The following ERBB4 variants were observed in gnomAD, a reference collection of about 807,000 sequenced individuals.
The protein encoded by ERBB4 is receptor tyrosine-protein kinase erbB-4.
ERBB4 carries 42 observed loss-of-function variants against 158.0 expected under a neutral mutation model. The ratio of observed to expected loss-of-function variants is 0.27; its 90% CI spans 0.21 to 0.34. The LOEUF (loss-of-function observed/expected upper bound fraction) is 0.34. ERBB4 is among the 10% of genes least tolerant of loss of function. The pLI is 1.00. For missense variants in ERBB4, 1,333 were observed against 1,624.1 expected (o/e 0.82, Z 3.08); for synonymous variants, 583 against 558.7 (o/e 1.04, Z -0.61).
At chr2:211,761,684 G>T (rs905275482) in intron 4 of ERBB4, among the ~76,000 whole-genome samples, 3 of 152,120 alleles carry the variant, frequency 2.0e-5, no homozygotes, top group Non-Finnish European at 4.4e-5. Flanking sequence ...ACACATTTTA[G>T]TAATTGGCAT....
rs551541176 is a variant in ERBB4 at position 212,340,342 on chromosome 2, G to T, written c.82+198107C>A. Among the ~76,000 whole-genome samples, 56 of 152,090 alleles carry T rather than the reference G, an allele frequency of 3.7e-4. 1 individual carries two copies. The highest frequency in any genetic ancestry group is 7.9e-4 in the Admixed American group (12 of 15,248). Reference sequence around the variant, plus strand: ...TTCCACAGACAGAATAGGGAAGATGGTTTCAGGATGAGTTAAGCGCATTAC... The same window carrying T: ...TTCCACAGACAGAATAGGGAAGATGTTTTCAGGATGAGTTAAGCGCATTAC... On this transcript the variant is annotated intron_variant, in intron 1 of 27. Transcript: ENST00000342788.
chr2:211,820,554 A>G (rs2076971674), intron 3 of ERBB4, among the ~76,000 whole-genome samples: 1 of 151,924 alleles, frequency 6.6e-6, no homozygotes. Flanking sequence ...CAAAAAATTG[A>G]AAAGGAGGAA....
chr2:212,135,739 C>T (rs147978249), intron 1 of ERBB4, among the ~76,000 whole-genome samples: 1 of 152,330 alleles, frequency 6.6e-6, no homozygotes, highest in African/African-American at 2.4e-5. Context: ...CATACAAAGT[C>T]CTTCTTATTT....
intron 2 of ERBB4, among the ~76,000 whole-genome samples, chr2:212,118,616 G>A (rs1370890727): frequency 6.6e-6 from 1 of 151,930 alleles, no homozygotes; most frequent in East Asian, 1.9e-4. Flanking sequence ...ATTATAAAAT[G>A]TTAATTATTA....
chr2:212,078,165 G>C (rs1195184111), intron 2 of ERBB4, among the ~76,000 whole-genome samples: 1 of 151,996 alleles, frequency 6.6e-6, no homozygotes, highest in Non-Finnish European at 1.5e-5. Flanking sequence ...CACAGATATA[G>C]ACTTAGGTCA....
intron 1 of ERBB4, among the ~76,000 whole-genome samples, chr2:212,289,000 C>G (rs2086107293): frequency 6.6e-6 from 1 of 152,042 alleles, no homozygotes; most frequent in Admixed American, 6.5e-5. Flanking sequence ...ACCAGACTGA[C>G]AGAAAGCCGT....
At chr2:212,163,356 A>G (rs1349298968) in intron 1 of ERBB4, among the ~76,000 whole-genome samples, 1 of 151,236 alleles carries the variant, frequency 6.6e-6, no homozygotes, top group African/African-American at 2.4e-5. Flanking sequence ...CTATTCATTA[A>G]TAAGGGTGAA....
At chr2:211,400,162 A>T (rs1464630715) in intron 25 of ERBB4, among the ~76,000 whole-genome samples, 1 of 152,098 alleles carries the variant, frequency 6.6e-6, no homozygotes, top group Non-Finnish European at 1.5e-5. Flanking sequence ...TGCCTTAAAA[A>T]AGTGTTCTCT....
chr2:212,138,832 C>T (rs115753402), intron 1 of ERBB4, among the ~76,000 whole-genome samples: 1,891 of 152,052 alleles, frequency 0.012, 35 homozygotes, highest in African/African-American at 0.042. Context: ...CAATTAAGTC[C>T]CCATTCTAAA....
chr2:211,466,352 A>T lies in ERBB4; in HGVS notation c.2488-35252T>A, dbSNP rs1037721414. On this transcript the variant is annotated intron_variant, in intron 20 of 27. Transcript: ENST00000342788. ...GTGTAGTTTTTTTTTTTTTTTTTAA[A>T]AAAAAAAAAAGGAACACATTCAATG... 5.3e-3 allele frequency among the ~76,000 whole-genome samples: 524 copies of T among 99,210 alleles called. 2 individuals are homozygous for T. Among genetic ancestry groups the T allele is most frequent in the African/African-American group, 0.012 (305 of 25,252 alleles). 65.1% of individuals were successfully genotyped at this position (99,210 alleles called of 152,430 possible).
At chr2:211,822,547 C>T (rs564721329) in intron 3 of ERBB4, among the ~76,000 whole-genome samples, 4 of 151,986 alleles carry the variant, frequency 2.6e-5, no homozygotes, top group Non-Finnish European at 5.9e-5. Context: ...AATAATCCAT[C>T]TTCAGGGAAG....
At chr2:212,308,692 G>C (rs2086906681) in intron 1 of ERBB4, among the ~76,000 whole-genome samples, 1 of 150,946 alleles carries the variant, frequency 6.6e-6, no homozygotes. Flanking sequence ...TAAATCCTAT[G>C]AGTTCTCTAT....
chr2:212,104,790 T>C (rs1325192877), intron 2 of ERBB4, among the ~76,000 whole-genome samples: 1 of 152,160 alleles, frequency 6.6e-6, no homozygotes, highest in African/African-American at 2.4e-5. Context: ...CGATTTGCGC[T>C]TTGCTAGAAA....
At chr2:212,323,830 A>AATATG (rs141586008) in intron 1 of ERBB4, among the ~76,000 whole-genome samples, 76,319 of 149,646 alleles carry the variant, frequency 0.51, 23,822 homozygotes, top group East Asian at 0.73. Context: ...CAGATTGAAA[A>AATATG]CATTAATAAA....
At chr2:211,962,945 C>A (rs532175571) in intron 2 of ERBB4, among the ~76,000 whole-genome samples, 1 of 152,210 alleles carries the variant, frequency 6.6e-6, no homozygotes, top group South Asian at 2.1e-4. Flanking sequence ...TTTACAAATT[C>A]TTTTAAATGA....
rs777486925 is a variant in ERBB4, at chr2:211,387,085, G to A, written c.3249C>T (p.Ala1083=). 1 of 1,613,946 alleles carries A rather than the reference G, an allele frequency of 6.2e-7. No homozygotes were observed. Among genetic ancestry groups the A allele is most frequent in the Non-Finnish European group, 8.5e-7 (1 of 1,179,888 alleles). ...GAGCTTCTGGAATTGTGCTAGTTGGGGCTCTGTAGGGCACAGACACTCCTT... is the reference window on the plus strand; with the variant it reads ...GAGCTTCTGGAATTGTGCTAGTTGGAGCTCTGTAGGGCACAGACACTCCTT... ...AEQGVSVPYR[A]PTSTIPEAPV... is the part of the protein sequence containing the mutation. The change falls in exon 27 of 28, where the codon GCC becomes GCT. Residue 1083 remains alanine, a synonymous_variant. Transcript: ENST00000342788.
intron 2 of ERBB4, among the ~76,000 whole-genome samples, chr2:211,976,623 T>C (rs2081613577): frequency 6.6e-6 from 1 of 152,114 alleles, no homozygotes. Flanking sequence ...TATATATGAT[T>C]CATGCCCTGC....
rs115688909 is a variant in ERBB4, at chr2:212,230,695, A to G, written c.83-105792T>C. On this transcript the variant is annotated intron_variant, in intron 1 of 27. Coordinates refer to ENST00000342788, the MANE Select transcript of ERBB4 (RefSeq NM_005235.3). ...AATCTACGTCTATATAATATGAATC[A>G]TACTACTTATTCAGGTTATCTTTTA... Among the ~76,000 whole-genome samples the G allele has an allele frequency of 6.2e-3, 938 of 152,304 alleles. 13 individuals are homozygous for G. The highest frequency in any genetic ancestry group is 0.022 in the African/African-American group (899 of 41,574).
chr2:212,310,047 A>AT (rs1003001432), intron 1 of ERBB4, among the ~76,000 whole-genome samples: 2 of 150,550 alleles, frequency 1.3e-5, no homozygotes, highest in Non-Finnish European at 3.0e-5. Context: ...AAATAGATGC[A>AT]TTTTTCTAAG....
Sources: allele counts gnomAD v4.1 joint callset (sites outside exome capture counted in the v4.1 genomes callset), GRCh38; gene constraint gnomAD v4.1.1; transcripts MANE v1.5; gene names NCBI Gene and HGNC (gene_info 2026-07-23, HGNC 2026-07-21).